The following AGAP1 variants were observed in gnomAD, a reference collection of about 807,000 sequenced individuals.
AGAP1 encodes ArfGAP with GTPase domain, ankyrin repeat and PH domain 1.
AGAP1 carries 29 observed loss-of-function variants against 105.3 expected under a neutral mutation model. The observed-to-expected ratio is 0.28, with a 90% confidence interval of 0.21 to 0.38. The LOEUF is 0.38. Ranked by LOEUF, AGAP1 falls within the 10% of genes least tolerant of loss-of-function variation. AGAP1 has a pLI of 1.00. For missense variants in AGAP1, 998 were observed against 1,165.1 expected (o/e 0.86, Z 2.09); for synonymous variants, 509 against 485.9 (o/e 1.05, Z -0.63).
chr2:235,847,682 T>TCTG (rs1478559101), intron 9 of AGAP1, among the ~76,000 whole-genome samples: 4 of 152,346 alleles, frequency 2.6e-5, no homozygotes, highest in African/African-American at 9.6e-5. Context: ...TTCAGTACCG[T>TCTG]CTGTAGATCC....
intron 6 of AGAP1, among the ~76,000 whole-genome samples, chr2:235,766,786 G>A (rs13034294): frequency 0.42 from 63,691 of 152,020 alleles, 15,488 homozygotes; most frequent in South Asian, 0.66. Flanking sequence ...CTGTCGCCCA[G>A]GCTAGAGTGC....
At chr2:235,514,109 C>G (rs1375190455) in intron 1 of AGAP1, among the ~76,000 whole-genome samples, 1 of 152,190 alleles carries the variant, frequency 6.6e-6, no homozygotes, top group Admixed American at 6.5e-5. Flanking sequence ...TGAGCACAGG[C>G]GATTTCCCCG....
chr2:235,553,639 T>C lies in AGAP1; in HGVS notation c.163+58790T>C, dbSNP rs2149120680. Among the ~76,000 whole-genome samples, 1 of 152,070 alleles carries C rather than the reference T, an allele frequency of 6.6e-6. No homozygotes were observed. Among genetic ancestry groups the C allele is most frequent in the South Asian group, 2.1e-4 (1 of 4,810 alleles). On this transcript the variant is annotated intron_variant, in intron 1 of 17. Transcript: ENST00000304032. The surrounding 1 kb of genome is among the most constrained non-coding windows in gnomAD (Gnocchi z 4.5). ...GGAGCCTGGTCCCTGGTGACCCAGG[T>C]ACAGTTTACGTCTGGAGCCAGCATT...
At chr2:235,783,480 G>A in intron 6 of AGAP1, 1 of 438,452 alleles carries the variant, frequency 2.3e-6, no homozygotes, top group South Asian at 1.7e-5. Flanking sequence ...AGGACGGACT[G>A]CTGTGTGTCA....
chr2:235,632,215 G>T (rs1946851041), intron 1 of AGAP1, among the ~76,000 whole-genome samples: 1 of 152,238 alleles, frequency 6.6e-6, no homozygotes, highest in Non-Finnish European at 1.5e-5. Flanking sequence ...CTTAAGGGGA[G>T]TTAATGAACT....
chr2:235,815,435 G>T (rs1286350279), intron 9 of AGAP1, among the ~76,000 whole-genome samples: 1 of 152,128 alleles, frequency 6.6e-6, no homozygotes, highest in Non-Finnish European at 1.5e-5. Context: ...CCATCTGTAC[G>T]TCATTTAACC....
In AGAP1 at chr2:235,887,952, A is replaced by C. The variant is rs567758724; in HGVS notation, c.1155+4503A>C. ...AGATAGGGCCGTGCGGCAGCCCATCACCGGCAGCGCTTGCTCGTGGTGGTG... is the reference window on the plus strand; with the variant it reads ...AGATAGGGCCGTGCGGCAGCCCATCCCCGGCAGCGCTTGCTCGTGGTGGTG... On this transcript the variant is annotated intron_variant, in intron 10 of 17. Coordinates refer to ENST00000304032, the MANE Select transcript of AGAP1 (RefSeq NM_001037131.3). The surrounding 1 kb of genome is among the most constrained non-coding windows in gnomAD (Gnocchi z 4.1). Among the ~76,000 whole-genome samples, 24 of 152,240 alleles carry C rather than the reference A, an allele frequency of 1.6e-4. 1 individual carries two copies. The South Asian group carries it at 5.0e-3, about 32-fold the overall frequency.
intron 1 of AGAP1, among the ~76,000 whole-genome samples, chr2:235,648,131 G>C (rs930563631): frequency 6.6e-6 from 1 of 151,884 alleles, no homozygotes; most frequent in Non-Finnish European, 1.5e-5. Flanking sequence ...GAGACTGACT[G>C]GGGGGTGTCC....
intron 6 of AGAP1, among the ~76,000 whole-genome samples, chr2:235,772,988 A>G (rs1454855652): frequency 6.6e-6 from 1 of 152,194 alleles, no homozygotes; most frequent in Non-Finnish European, 1.5e-5. Context: ...TTGGAAGCAG[A>G]TCAACTTACT....
chr2:235,673,068 A>C (rs1291557129), intron 1 of AGAP1, among the ~76,000 whole-genome samples: 1 of 152,228 alleles, frequency 6.6e-6, no homozygotes, highest in Non-Finnish European at 1.5e-5. Context: ...TGAAGTTCTA[A>C]GTAATCACAT....
At chr2:235,658,980 G>C (rs1947863073) in intron 1 of AGAP1, among the ~76,000 whole-genome samples, 1 of 152,018 alleles carries the variant, frequency 6.6e-6, no homozygotes, top group African/African-American at 2.4e-5. Context: ...CCTCCCTTCT[G>C]CTCTCACTCT....
chr2:235,528,659 A>G (rs556385675), intron 1 of AGAP1, among the ~76,000 whole-genome samples: 3 of 151,994 alleles, frequency 2.0e-5, no homozygotes, highest in African/African-American at 7.2e-5. Flanking sequence ...TCTTGTGTGC[A>G]TTTGTATGTG....
At chr2:236,117,921 T>TC (rs1305938682) in intron 16 of AGAP1, among the ~76,000 whole-genome samples, 1 of 152,158 alleles carries the variant, frequency 6.6e-6, no homozygotes, top group Non-Finnish European at 1.5e-5. Flanking sequence ...GCTGCATTTG[T>TC]GGGGGCCGGT....
intron 1 of AGAP1, among the ~76,000 whole-genome samples, chr2:235,624,404 A>G (rs1357561946): frequency 6.6e-6 from 1 of 152,168 alleles, no homozygotes; most frequent in Non-Finnish European, 1.5e-5. Context: ...CTCTGTGTGC[A>G]TGAGGGGAAG....
At chr2:235,815,396 A>G (rs1318462188) in intron 9 of AGAP1, among the ~76,000 whole-genome samples, 2 of 152,126 alleles carry the variant, frequency 1.3e-5, no homozygotes, top group African/African-American at 2.4e-5. Flanking sequence ...TTTTTCTTAT[A>G]ATGATGCCAG....
intron 1 of AGAP1, among the ~76,000 whole-genome samples, chr2:235,657,232 G>A (rs1947802056): frequency 6.6e-6 from 1 of 152,190 alleles, no homozygotes; most frequent in African/African-American, 2.4e-5. Context: ...GTAGGGCACT[G>A]GGTAGCCCTG....
Position 235,744,717 on chromosome 2 carries a change from C to G in AGAP1, c.416C>G (p.Ala139Gly). ...CCCTAGTTTGCCATGTGGGTGGACGCTGTTATATTTGTCTTCAGCTTGGAG... is the reference window on the plus strand; with the variant it reads ...CCCTAGTTTGCCATGTGGGTGGACGGTGTTATATTTGTCTTCAGCTTGGAG... Reference protein sequence around the residue: ...PEAQFAMWVDAVIFVFSLEDE... With the variant: ...PEAQFAMWVDGVIFVFSLEDE... Residue 139 changes from alanine (A) to glycine (G), a missense_variant, in exon 5 of 18, where the codon GCT (alanine) becomes GGT (glycine). Physicochemically the swap from Ala to Gly is moderately conservative, Grantham distance 60 (BLOSUM62 0). This residue lies in a region of AGAP1 where 735 missense variants were observed against 833.4 expected (regional missense o/e 0.88). Coordinates refer to ENST00000304032, the MANE Select transcript of AGAP1 (RefSeq NM_001037131.3). The surrounding 1 kb of genome is among the most constrained non-coding windows in gnomAD (Gnocchi z 5.2). 1.2e-6 allele frequency: 2 copies of G among 1,613,964 alleles called. No homozygotes were observed. Among genetic ancestry groups the G allele is most frequent in the Admixed American group, 1.7e-5 (1 of 59,996 alleles).
chr2:235,523,539 A>C (rs1481968705), intron 1 of AGAP1, among the ~76,000 whole-genome samples: 1 of 152,110 alleles, frequency 6.6e-6, no homozygotes, highest in Non-Finnish European at 1.5e-5. Flanking sequence ...TGCCCATGTC[A>C]TGGTACGTGC....
intron 9 of AGAP1, among the ~76,000 whole-genome samples, chr2:235,857,009 G>A (rs1220887581): frequency 1.3e-5 from 2 of 152,164 alleles, no homozygotes; most frequent in Non-Finnish European, 1.5e-5. Context: ...TTAATGGGCC[G>A]GGATTTGTGT....
Sources: gnomAD v4.1 joint callset for allele counts (sites outside exome capture counted in the v4.1 genomes callset) on GRCh38, gnomAD v4.1.1 for gene constraint, gnomAD v4.1.1 regional missense constraint, Gnocchi (gnomAD v3.1) non-coding constraint, MANE v1.5 for transcripts, NCBI Gene and HGNC (gene_info 2026-07-23, HGNC 2026-07-21) for gene names.